TTLL5: variants seen among roughly 807,000 people sequenced by gnomAD.
TTLL5 encodes the protein tubulin tyrosine ligase like 5, also known as tubulin polyglutamylase TTLL5.
Under a neutral mutation model 168.4 loss-of-function variants are expected in TTLL5, and 132 were observed. That is an observed-to-expected ratio of 0.78 (90% CI 0.68 to 0.91). The LOEUF (loss-of-function observed/expected upper bound fraction) is 0.91. Among genes scored for constraint, TTLL5 ranks in the 40% least tolerant of loss-of-function variants. The pLI is 0.00. For synonymous variants in TTLL5, 546 were observed against 558.6 expected, an observed-to-expected ratio of 0.98 and a Z score of 0.32; for missense variants, 1,545 against 1,581.5, an observed-to-expected ratio of 0.98 and a Z score of 0.39.
intron 28 of TTLL5, chr14:75,838,915 T>A (rs1896046912): frequency 6.5e-6 from 1 of 152,744 alleles, no homozygotes; most frequent in African/African-American, 2.4e-5. Context: ...GCCATTGTAG[T>A]CCCTTATGGT....
In TTLL5 at chr14:75,720,628, A is replaced by G. The variant is rs375373706; in HGVS notation, c.967A>G (p.Lys323Glu). 6.2e-7 allele frequency: 1 copy of G among 1,613,680 alleles called. No homozygotes were observed. The part of the protein sequence containing the change: ...LMAHVEDLII[K>E]TIISAELAIA... ...GGCCCATGTAGAAGACCTGATCATT[A>G]AGACTATAATCTCTGCTGAACTAGC... is the stretch of plus-strand genomic sequence containing the variant. The change falls in exon 12 of 32, where the codon AAG (lysine) becomes GAG (glutamate). Residue 323 changes from lysine (K) to glutamate (E), a missense_variant. By Grantham distance (56) the Lys-to-Glu change is moderately conservative (BLOSUM62 1). Transcript: ENST00000298832.
intron 29 of TTLL5, among the ~76,000 whole-genome samples, chr14:75,877,593 AG>A (rs2031564754): frequency 6.6e-6 from 1 of 152,228 alleles, no homozygotes; most frequent in Admixed American, 6.5e-5. Flanking sequence ...CTAGGTCTTG[AG>A]TGGAGGCCAG....
At chr14:75,697,331 A>T (rs1446653140) in intron 6 of TTLL5, among the ~76,000 whole-genome samples, 1 of 152,214 alleles carries the variant, frequency 6.6e-6, no homozygotes, top group Non-Finnish European at 1.5e-5. Context: ...TGAAAATCTT[A>T]TATATGCAAT....
At chr14:75,855,082 A>AAT (rs1167938217) in intron 28 of TTLL5, among the ~76,000 whole-genome samples, 31 of 151,294 alleles carry the variant, frequency 2.0e-4, no homozygotes, top group Admixed American at 1.9e-3. Flanking sequence ...TGTTTTGACT[A>AAT]ATATAGATTC....
intron 30 of TTLL5, among the ~76,000 whole-genome samples, chr14:75,896,738 G>A (rs866940766): frequency 6.6e-6 from 1 of 152,246 alleles, no homozygotes; most frequent in South Asian, 2.1e-4. Context: ...AGTTTCCACT[G>A]ATCAAAATAA....
chr14:75,764,192 GA>G (rs1890826059), intron 18 of TTLL5, among the ~76,000 whole-genome samples: 2 of 152,116 alleles, frequency 1.3e-5, no homozygotes, highest in South Asian at 4.2e-4. Flanking sequence ...ACATTCAAAA[GA>G]ATATTTATAA....
At chr14:75,909,595 C>T (rs2033285604) in intron 31 of TTLL5, among the ~76,000 whole-genome samples, 3 of 152,088 alleles carry the variant, frequency 2.0e-5, no homozygotes, top group Admixed American at 2.0e-4. Flanking sequence ...TGTGGCCACA[C>T]CAACTTTGAC....
In TTLL5 at chr14:75,783,131, G is replaced by A. The variant is rs369628617; in HGVS notation, c.2603-16G>A. The stretch of plus-strand genomic sequence containing the variant: ...TTTTCCTATAATGATGTCTTGTTTT[G>A]TTTTGTTTTTAATAGGATTTACCAC... On this transcript the variant is annotated splice_polypyrimidine_tract_variant and intron_variant, in intron 25 of 31. Transcript: ENST00000298832. 4 of 1,585,268 alleles carry A rather than the reference G, an allele frequency of 2.5e-6. No individual in the cohort carries two copies. The Admixed American group carries it at 7.0e-5, about 28-fold the overall frequency.
intron 21 of TTLL5, among the ~76,000 whole-genome samples, chr14:75,773,944 AGAGAG>A (rs1891520850): frequency 2.3e-5 from 1 of 42,664 alleles, no homozygotes. Context: ...AGAGAGAGAG[AGAGAG>A]AGAGAGAAAG....
At chr14:75,946,768 G>C (rs148263291) in intron 31 of TTLL5, among the ~76,000 whole-genome samples, 1 of 152,090 alleles carries the variant, frequency 6.6e-6, no homozygotes, top group Non-Finnish European at 1.5e-5. Flanking sequence ...CAACAACACA[G>C]TGAAAGAAGG....
chr14:75,794,522 G>C (rs1892895423), intron 27 of TTLL5, among the ~76,000 whole-genome samples: 1 of 151,778 alleles, frequency 6.6e-6, no homozygotes, highest in African/African-American at 2.4e-5. Context: ...TCACTAGACT[G>C]CAAAGCCTAC....
intron 27 of TTLL5, among the ~76,000 whole-genome samples, chr14:75,793,923 T>C (rs929059010): frequency 6.6e-6 from 1 of 152,202 alleles, no homozygotes; most frequent in Non-Finnish European, 1.5e-5. Flanking sequence ...AATTCCTTAA[T>C]TGGTAGTAAC....
At chr14:75,818,826 G>A (rs1259465363) in intron 27 of TTLL5, among the ~76,000 whole-genome samples, 7 of 152,160 alleles carry the variant, frequency 4.6e-5, no homozygotes, top group East Asian at 3.9e-4. Flanking sequence ...TAATGCATAC[G>A]TAATATTGTC....
chr14:75,929,127 TATCA>T (rs1595289027), intron 31 of TTLL5, among the ~76,000 whole-genome samples: 2 of 152,014 alleles, frequency 1.3e-5, no homozygotes, highest in Admixed American at 1.3e-4. Flanking sequence ...GGATCAGTGG[TATCA>T]ATTTTGTGTA....
In TTLL5 at chr14:75,910,336, T is replaced by C. The variant is rs113270877; in HGVS notation, c.3823+8112T>C. Among the ~76,000 whole-genome samples the C allele has an allele frequency of 2.9e-3, 436 of 152,322 alleles. 3 individuals carry two copies. Among genetic ancestry groups the C allele is most frequent in the African/African-American group, 0.01 (425 of 41,572 alleles). Reference sequence around the variant, plus strand: ...TGTTAGAATTGTGCCTACTCCTACATCTTGCTGCAGAGTTGTGTGGTCCTG... The same window carrying C: ...TGTTAGAATTGTGCCTACTCCTACACCTTGCTGCAGAGTTGTGTGGTCCTG... On this transcript the variant is annotated intron_variant, in intron 31 of 31. Coordinates refer to ENST00000298832, the MANE Select transcript of TTLL5 (RefSeq NM_015072.5).
chr14:75,880,924 CTT>C (rs1265490793), intron 29 of TTLL5, among the ~76,000 whole-genome samples: 1 of 152,008 alleles, frequency 6.6e-6, no homozygotes, highest in Non-Finnish European at 1.5e-5. Context: ...CTTCCCCCCG[CTT>C]TTTTTGAGAC....
intron 30 of TTLL5, among the ~76,000 whole-genome samples, chr14:75,888,691 T>C (rs2032239250): frequency 6.6e-6 from 1 of 151,932 alleles, no homozygotes; most frequent in Admixed American, 6.6e-5. Context: ...ATCCCAGTGC[T>C]TTGGGAGGCC....
chr14:75,828,136 T>A (rs1895335677), intron 28 of TTLL5, among the ~76,000 whole-genome samples: 1 of 152,184 alleles, frequency 6.6e-6, no homozygotes, highest in South Asian at 2.1e-4. Flanking sequence ...GCAGGCTTTC[T>A]GGCATAGTAG....
At chr14:75,664,628 G>C in intron 2 of TTLL5, among the ~76,000 whole-genome samples, 1 of 152,190 alleles carries the variant, frequency 6.6e-6, no homozygotes, top group East Asian at 1.9e-4. Flanking sequence ...AGAAAGCTTT[G>C]AGGAAACGTT....
Sources: allele counts gnomAD v4.1 joint callset (sites outside exome capture counted in the v4.1 genomes callset), GRCh38; gene constraint gnomAD v4.1.1; transcripts MANE v1.5; gene names NCBI Gene and HGNC (gene_info 2026-07-23, HGNC 2026-07-21).